TUSC7: variants seen among roughly 807,000 people sequenced by gnomAD.
TUSC7 encodes the protein LSAMP antisense RNA 3.
intron 1 of TUSC7, among the ~76,000 whole-genome samples, chr3:116,714,581 T>C (rs2051489383): frequency 6.6e-6 from 1 of 152,214 alleles, no homozygotes; most frequent in Non-Finnish European, 1.5e-5. Flanking sequence ...AGCTGATCCA[T>C]GGACTACATT....
chr3:116,713,996 G>A (rs1035665313), intron 1 of TUSC7: 1 of 152,012 alleles, frequency 6.6e-6, no homozygotes, highest in Non-Finnish European at 1.5e-5. Context: ...GAAAAAAGAA[G>A]CTAGACTATA....
chr3:116,710,475 A>G (rs932054642), intron 1 of TUSC7: 1 of 152,136 alleles, frequency 6.6e-6, no homozygotes, highest in African/African-American at 2.4e-5. Flanking sequence ...CAGAAAAGTG[A>G]TGCTAACTAT....
intron 1 of TUSC7, chr3:116,710,098 A>G (rs960266050): frequency 1.6e-4 from 24 of 152,298 alleles, no homozygotes; most frequent in African/African-American, 5.8e-4. Flanking sequence ...CACTTAGAAT[A>G]AAAATTAAAA....
At chr3:116,715,985 A>G (rs1043233132) in intron 1 of TUSC7, among the ~76,000 whole-genome samples, 2 of 152,174 alleles carry the variant, frequency 1.3e-5, no homozygotes, top group South Asian at 2.1e-4. Context: ...CCTTACAACA[A>G]TCCTATTTTG....
intron 1 of TUSC7, chr3:116,716,661 C>T (rs1218890569): frequency 6.6e-6 from 1 of 152,174 alleles, no homozygotes; most frequent in Non-Finnish European, 1.5e-5. Context: ...GACTCAGCAG[C>T]CTGGACAGCT....
chr3:116,713,035 T>C (rs1038656178), intron 1 of TUSC7, among the ~76,000 whole-genome samples: 5 of 152,208 alleles, frequency 3.3e-5, no homozygotes, highest in African/African-American at 1.2e-4. Flanking sequence ...AAAACACACA[T>C]AAATATATCT....
At chr3:116,716,028 G>A (rs2051502403) in intron 1 of TUSC7, among the ~76,000 whole-genome samples, 1 of 152,078 alleles carries the variant, frequency 6.6e-6, no homozygotes, top group Non-Finnish European at 1.5e-5. Context: ...AGGCCAGAAG[G>A]GGCAATTTGC....
At chr3:116,710,918 CCATTAACAAACTG>C (rs1002061865) in intron 1 of TUSC7, among the ~76,000 whole-genome samples, 3 of 152,004 alleles carry the variant, frequency 2.0e-5, no homozygotes, top group Non-Finnish European at 2.9e-5. Flanking sequence ...GATAGTTACT[CCATTAACAAACTG>C]CATTAACAAA....
chr3:116,710,729 T>C lies in TUSC7; in HGVS notation n.98+853T>C, dbSNP rs1177974849. ...TGAATCTTTTCCAAACTAATGGTTT[T>C]TTTAGGAGTAAACCTTAGAGTGAAG... On this transcript the variant is annotated intron_variant and non_coding_transcript_variant, in intron 1 of 2. Transcript: ENST00000477805. 2.0e-5 allele frequency among the ~76,000 whole-genome samples: 3 copies of C among 152,274 alleles called. No individual in the cohort carries two copies. The South Asian group carries it at 6.2e-4, about 32-fold the overall frequency.
At chr3:116,716,005 C>T (rs765800067) in intron 1 of TUSC7, among the ~76,000 whole-genome samples, 1 of 152,052 alleles carries the variant, frequency 6.6e-6, no homozygotes, top group Non-Finnish European at 1.5e-5. Context: ...GAAAAAAGTG[C>T]CCTGTGGAAG....
Position 116,713,365 on chromosome 3 carries a change from A to C in TUSC7, n.98+3489A>C, listed in dbSNP as rs78131213. 1.0e-2 allele frequency among the ~76,000 whole-genome samples: 1,517 copies of C among 152,290 alleles called. 23 individuals carry two copies. The highest frequency in any genetic ancestry group is 0.035 in the African/African-American group (1,440 of 41,556). On this transcript the variant is annotated intron_variant and non_coding_transcript_variant, in intron 1 of 2. Coordinates refer to ENST00000477805, the Ensembl canonical transcript of TUSC7. ...AACAGCAGCCCTAAGGTCATTCACT[A>C]ATGCAAGACGTTGAGACCCACTTAA...
At chr3:116,715,503 AGG>A (rs2051498043) in intron 1 of TUSC7, among the ~76,000 whole-genome samples, 1 of 152,158 alleles carries the variant, frequency 6.6e-6, no homozygotes, top group Non-Finnish European at 1.5e-5. Flanking sequence ...ACCTGTGTTC[AGG>A]ATTTTAGGAA....
At chr3:116,712,692 G>GT in intron 1 of TUSC7, 1 of 152,238 alleles carries the variant, frequency 6.6e-6, no homozygotes, top group East Asian at 1.9e-4. Flanking sequence ...AATAAGCAGA[G>GT]TAAGAGGACA....
chr3:116,710,388 T>C (rs771862245), intron 1 of TUSC7: 3 of 151,950 alleles, frequency 2.0e-5, no homozygotes, highest in Non-Finnish European at 4.4e-5. Flanking sequence ...CATGCAGAAG[T>C]GATAGTCAAG....
chr3:116,715,247 C>T (rs2051495838), intron 1 of TUSC7, among the ~76,000 whole-genome samples: 1 of 152,100 alleles, frequency 6.6e-6, no homozygotes, highest in Non-Finnish European at 1.5e-5. Context: ...ATCTTGGTTA[C>T]TTCTAAGTTT....
intron 1 of TUSC7, chr3:116,716,869 G>A (rs2051512719): frequency 6.6e-6 from 1 of 152,014 alleles, no homozygotes; most frequent in African/African-American, 2.4e-5. Context: ...TTCCTGTTTT[G>A]CAAAACAGCT....
chr3:116,712,011 G>A (rs185050333), intron 1 of TUSC7, among the ~76,000 whole-genome samples: 406 of 152,200 alleles, frequency 2.7e-3, no homozygotes, highest in Non-Finnish European at 4.4e-3. Context: ...ATCTGCATTA[G>A]CATGGTACAA....
intron 1 of TUSC7, among the ~76,000 whole-genome samples, chr3:116,711,735 T>C (rs1014555777): frequency 2.0e-5 from 3 of 152,150 alleles, no homozygotes; most frequent in Admixed American, 6.6e-5. Context: ...ATTAGGGCTG[T>C]AACGAAACTC....
At chr3:116,716,594 A>C (rs557623793) in intron 1 of TUSC7, 2 of 152,364 alleles carry the variant, frequency 1.3e-5, no homozygotes, top group Non-Finnish European at 2.9e-5. Flanking sequence ...ACTGGAAACA[A>C]CACCTGTCCA....
Sources: allele counts gnomAD v4.1 joint callset (sites outside exome capture counted in the v4.1 genomes callset), GRCh38; gene constraint gnomAD v4.1.1; transcripts MANE v1.5; gene names NCBI Gene and HGNC (gene_info 2026-07-23, HGNC 2026-07-21).